SLAMF1: variants seen among roughly 807,000 people sequenced by gnomAD.
SLAMF1 encodes signaling lymphocytic activation molecule family member 1, also known as signaling lymphocytic activation molecule.
SLAMF1 carries 18 observed loss-of-function variants against 35.1 expected under a neutral mutation model. The observed-to-expected ratio is 0.51, with a 90% CI of 0.35 to 0.76. The LOEUF (loss-of-function observed/expected upper bound fraction) is 0.76, where lower values mean the gene tolerates loss of function less well. Among genes scored for constraint, SLAMF1 ranks in the 30% least tolerant of loss-of-function variants. SLAMF1 has a pLI of 0.01. For synonymous variants in SLAMF1, 168 were observed against 157.2 expected (o/e 1.07, Z -0.51); for missense variants, 392 against 413.0 (o/e 0.95, Z 0.44).
Position 160,642,783 on chromosome 1 carries a change from C to T in SLAMF1, c.76+4087G>A, listed in dbSNP as rs1459255159. The stretch of plus-strand genomic sequence containing the variant: ...TTGCCAGCTGAGGACATGGAAGTGC[C>T]TTAAATATAAACCCTAGGTTTCAGG... On this transcript the variant is annotated intron_variant, in intron 1 of 6. Transcript: ENST00000302035. The surrounding 1 kb of genome is among the most constrained non-coding windows in gnomAD (Gnocchi z 4.2). Among the ~76,000 whole-genome samples, 1 of 152,108 alleles carries T rather than the reference C, an allele frequency of 6.6e-6. No individual in the cohort carries two copies. Among genetic ancestry groups the T allele is most frequent in the East Asian group, 1.9e-4 (1 of 5,194 alleles).
At chr1:160,639,647 G>A (rs992579928) in intron 1 of SLAMF1, among the ~76,000 whole-genome samples, 2 of 151,928 alleles carry the variant, frequency 1.3e-5, no homozygotes, top group African/African-American at 4.8e-5. Flanking sequence ...GGGTACTGCC[G>A]TCTTCTTCCA....
At chr1:160,612,460 A>G (rs372461272) in intron 6 of SLAMF1, 28 bp downstream of exon 6, 3 of 1,466,014 alleles carry the variant, frequency 2.0e-6, no homozygotes, top group African/African-American at 1.4e-5. Flanking sequence ...TTCCCTCTCT[A>G]CGGAGAGTAG....
intron 1 of SLAMF1, among the ~76,000 whole-genome samples, chr1:160,645,198 G>T (rs1660975059): frequency 6.6e-6 from 1 of 152,238 alleles, no homozygotes; most frequent in African/African-American, 2.4e-5. Flanking sequence ...GAGTAGAAAT[G>T]AGAATGGGAG....
In SLAMF1 at chr1:160,610,625, A is replaced by G. The variant is rs549806688; in HGVS notation, c.*123T>C. The G allele has an allele frequency of 1.4e-6, 1 of 711,892 alleles. No homozygotes were observed. The highest frequency in any genetic ancestry group is 2.5e-6 in the Non-Finnish European group (1 of 393,264). The allele number at this position is 711,892 out of a possible 1,614,324, so 44.1% of individuals were successfully genotyped here. ...TGGAAGAAACATCACCAGGGAGTTG[A>G]TCTGAGAAGGGTACAGACGTGCAGC... On this transcript the variant is annotated 3_prime_UTR_variant, in exon 7 of 7. Transcript: ENST00000302035.
intron 3 of SLAMF1, among the ~76,000 whole-genome samples, chr1:160,627,581 T>C (rs1659946227): frequency 6.6e-6 from 1 of 152,200 alleles, no homozygotes; most frequent in South Asian, 2.1e-4. Flanking sequence ...CATCCATTTG[T>C]TGCTATTCTT....
At chr1:160,629,511 G>C (rs1295339237) in intron 3 of SLAMF1, among the ~76,000 whole-genome samples, 1 of 152,162 alleles carries the variant, frequency 6.6e-6, no homozygotes, top group African/African-American at 2.4e-5. Context: ...ATCTTCAAGA[G>C]ATACATTCTT....
At chr1:160,631,384 C>T (rs1660156580) in intron 3 of SLAMF1, among the ~76,000 whole-genome samples, 1 of 152,130 alleles carries the variant, frequency 6.6e-6, no homozygotes, top group South Asian at 2.1e-4. Flanking sequence ...TTCCCAAATT[C>T]ATATGTTGAT....
intron 3 of SLAMF1, among the ~76,000 whole-genome samples, chr1:160,633,272 C>T (rs1170337941): frequency 6.6e-6 from 1 of 152,200 alleles, no homozygotes; most frequent in Non-Finnish European, 1.5e-5. Context: ...GGGCAAGCAG[C>T]CAGACATATC....
At position 160,642,592 on chromosome 1, in the gene SLAMF1, G is replaced by A. The variant is rs1660810106; in HGVS notation, c.76+4278C>T. 6.6e-6 allele frequency among the ~76,000 whole-genome samples: 1 copy of A among 152,258 alleles called. No individual in the cohort carries two copies. Among genetic ancestry groups the A allele is most frequent in the East Asian group, 1.9e-4 (1 of 5,190 alleles). On this transcript the variant is annotated intron_variant, in intron 1 of 6. Transcript: ENST00000302035. The surrounding 1 kb of genome is among the most constrained non-coding windows in gnomAD (Gnocchi z 4.2). The stretch of plus-strand genomic sequence containing the variant: ...AGTAGGAGCTCAGTAAATCCTTGTT[G>A]CCCAAGTGAATTAATAAAACAGAAT...
chr1:160,612,422 ACT>A, intron 6 of SLAMF1, 64 bp downstream of exon 6: 1 of 978,212 alleles, frequency 1.0e-6, no homozygotes, highest in Non-Finnish European at 1.5e-6. Context: ...AAAAAAAAAA[ACT>A]TCCTCATTTT....
intron 1 of SLAMF1, among the ~76,000 whole-genome samples, chr1:160,644,166 C>G (rs72708863): frequency 6.6e-6 from 1 of 151,916 alleles, no homozygotes; most frequent in Non-Finnish European, 1.5e-5. Context: ...CAATTTATTC[C>G]AATTCAATTC....
chr1:160,647,028 T>C lies in SLAMF1; in HGVS notation c.-83A>G. The stretch of plus-strand genomic sequence containing the variant: ...CCAGGCAGAAGCAAGCTTCGTGTCA[T>C]GCAGCAGAGGCTGTCTGATTTATGT... On this transcript the variant is annotated 5_prime_UTR_variant, in exon 1 of 7. It removes an upstream start codon present in the reference 5' UTR. Coordinates refer to ENST00000302035, the MANE Select transcript of SLAMF1 (RefSeq NM_003037.5). The C allele has an allele frequency of 1.4e-6, 1 of 737,034 alleles. No individual in the cohort carries two copies. The highest frequency in any genetic ancestry group is 2.7e-5 in the East Asian group (1 of 37,706). 45.7% of individuals were successfully genotyped at this position (737,034 alleles called of 1,614,324 possible).
chr1:160,631,011 G>A (rs145401694), intron 3 of SLAMF1, among the ~76,000 whole-genome samples: 18 of 151,152 alleles, frequency 1.2e-4, no homozygotes, highest in South Asian at 2.1e-4. Flanking sequence ...TTTTACATCC[G>A]TCACACTGTC....
chr1:160,631,536 C>G (rs541056259), intron 3 of SLAMF1, among the ~76,000 whole-genome samples: 3 of 152,072 alleles, frequency 2.0e-5, no homozygotes, highest in African/African-American at 7.2e-5. Context: ...AGAATATGAC[C>G]GTATTTGGAG....
At chr1:160,620,677 C>T (rs1181027196) in intron 4 of SLAMF1, among the ~76,000 whole-genome samples, 1 of 151,922 alleles carries the variant, frequency 6.6e-6, no homozygotes, top group African/African-American at 2.4e-5. Context: ...TTTTCAATAC[C>T]TGTGAAAAGA....
At chr1:160,621,855 C>T (rs867438593) in intron 4 of SLAMF1, among the ~76,000 whole-genome samples, 7 of 145,208 alleles carry the variant, frequency 4.8e-5, no homozygotes, top group East Asian at 2.0e-4. Context: ...TGCGTGAGTG[C>T]GTGTGTGTGT....
intron 3 of SLAMF1, among the ~76,000 whole-genome samples, chr1:160,631,808 T>C (rs898024630): frequency 6.6e-6 from 1 of 152,160 alleles, no homozygotes; most frequent in Admixed American, 6.5e-5. Context: ...CTCAAACTTC[T>C]AGCCTCCAGA....
chr1:160,643,674 G>C (rs932561084), intron 1 of SLAMF1, among the ~76,000 whole-genome samples: 2 of 152,170 alleles, frequency 1.3e-5, no homozygotes, highest in Non-Finnish European at 2.9e-5. Context: ...CACATGTGCT[G>C]TCTGATACAC....
chr1:160,618,279 C>T (rs1570971624), intron 5 of SLAMF1, among the ~76,000 whole-genome samples: 1 of 152,078 alleles, frequency 6.6e-6, no homozygotes, highest in South Asian at 2.1e-4. Flanking sequence ...CTTGCTTTAC[C>T]AAATATCGAG....
Sources: gnomAD v4.1 joint callset for allele counts (sites outside exome capture counted in the v4.1 genomes callset) on GRCh38, gnomAD v4.1.1 for gene constraint, Gnocchi (gnomAD v3.1) non-coding constraint, MANE v1.5 for transcripts, NCBI Gene and HGNC (gene_info 2026-07-23, HGNC 2026-07-21) for gene names.